Variants in NTAN1 observed in about 807,000 individuals in gnomAD.
The protein encoded by NTAN1 is protein N-terminal asparagine amidohydrolase.
Under a neutral mutation model 41.9 loss-of-function variants are expected in NTAN1, and 32 were observed. The ratio of observed to expected loss-of-function variants is 0.76; its 90% CI spans 0.58 to 1.03. The LOEUF (loss-of-function observed/expected upper bound fraction) is 1.03, where lower values mean the gene tolerates loss of function less well. NTAN1 is among the 50% of genes least tolerant of loss of function. NTAN1 has a pLI of 0.00. For missense variants in NTAN1, 377 were observed against 377.5 expected (o/e 1.00, Z 0.01); for synonymous variants, 140 against 139.5 (o/e 1.00, Z -0.03).
chr16:15,055,974 CGGAGGCGGCCGCCCAGGCAGGCCCAG>C lies in NTAN1; in HGVS notation c.-29_-4del. 8.2e-7 allele frequency: 1 copy of C among 1,220,242 alleles called. No individual in the cohort carries two copies. Among genetic ancestry groups the C allele is most frequent in the Non-Finnish European group, 1.0e-6 (1 of 980,180 alleles). The allele number at this position is 1,220,242 out of a possible 1,614,324, so 75.6% of individuals were successfully genotyped here. A position where few individuals can be genotyped will look rare whatever the true frequency, so the allele number is the denominator to read the frequency against. On this transcript the variant is annotated 5_prime_UTR_variant, in exon 1 of 10. Coordinates refer to ENST00000287706, the MANE Select transcript of NTAN1 (RefSeq NM_173474.4). ...CGCCCCTCGACGAGCAGCGGCATCGCGGAGGCGGCCGCCCAGGCAGGCCCAGGGAGGCGGCGGCCCCCCGCTTTGCA... is the reference window on the plus strand; with the variant it reads ...CGCCCCTCGACGAGCAGCGGCATCGCGGAGGCGGCGGCCCCCCGCTTTGCA...
Position 15,040,339 on chromosome 16 carries a change from C to T in NTAN1, c.542-273G>A, listed in dbSNP as rs180812754. ...CATGGGAGGCAGCCATTCCTTCAGTCGGACATGTAGCAAAACCTCTGGTCA... is the reference window on the plus strand; with the variant it reads ...CATGGGAGGCAGCCATTCCTTCAGTTGGACATGTAGCAAAACCTCTGGTCA... On this transcript the variant is annotated intron_variant, in intron 7 of 9. Coordinates refer to ENST00000287706, the MANE Select transcript of NTAN1 (RefSeq NM_173474.4). 3.1e-5 allele frequency: 12 copies of T among 381,984 alleles called. No individual in the cohort carries two copies. The East Asian group carries it at 4.4e-4, about 14-fold the overall frequency. 23.7% of individuals were successfully genotyped at this position (381,984 alleles called of 1,614,324 possible).
intron 5 of NTAN1, among the ~76,000 whole-genome samples, chr16:15,043,955 G>GA (rs962627544): frequency 2.1e-4 from 31 of 149,532 alleles, no homozygotes; most frequent in East Asian, 1.4e-3. Flanking sequence ...CTCAAAAAAA[G>GA]AAAAAAAAAG....
intron 6 of NTAN1, 85 bp from the exon 7 acceptor site, chr16:15,041,206 A>C (rs1365895205): frequency 2.2e-6 from 2 of 890,314 alleles, no homozygotes; most frequent in Non-Finnish European, 3.7e-6. Flanking sequence ...GCGAAGGAGG[A>C]GCTCCTCGAT....
Position 15,046,220 on chromosome 16 carries a change from C to T in NTAN1, c.359+1222G>A, listed in dbSNP as rs1597790426. On this transcript the variant is annotated intron_variant, in intron 4 of 9. Transcript: ENST00000287706. Reference sequence around the variant, plus strand: ...AGACCACAGAGGGAGAATTTAGAATCGACCAGTATTGACTAGCAAATCTCT... The same window carrying T: ...AGACCACAGAGGGAGAATTTAGAATTGACCAGTATTGACTAGCAAATCTCT... Among the ~76,000 whole-genome samples, 6 of 152,344 alleles carry T rather than the reference C, an allele frequency of 3.9e-5. No individual in the cohort carries two copies. The South Asian group carries it at 8.3e-4, about 21-fold the overall frequency.
At chr16:15,044,472 T>C in intron 4 of NTAN1, 65 bp from the exon 5 acceptor site, 1 of 1,046,626 alleles carries the variant, frequency 9.6e-7, no homozygotes, top group Non-Finnish European at 1.5e-6. Context: ...TGGTCTCACT[T>C]TGAACTTTCA....
rs142078442 is a variant in NTAN1 at position 15,043,715 on chromosome 16, C to T, written c.433+619G>A. ...CTGTAATCCCAGCACTTTAAGAGGC[C>T]GAGGCAGGTGCATCACCAGGTCGGG... On this transcript the variant is annotated intron_variant, in intron 5 of 9. Coordinates refer to ENST00000287706, the MANE Select transcript of NTAN1 (RefSeq NM_173474.4). Among the ~76,000 whole-genome samples the T allele has an allele frequency of 1.6e-3, 250 of 152,198 alleles. 3 individuals are homozygous for T. Among genetic ancestry groups the T allele is most frequent in the Admixed American group, 3.5e-3 (54 of 15,284 alleles).
intron 4 of NTAN1, chr16:15,045,466 C>CA (rs1157158611): frequency 0.012 from 858 of 71,302 alleles, 3 homozygotes; most frequent in African/African-American, 0.027. Context: ...GACTCTGTCT[C>CA]AAAAAAAAAA....
At chr16:15,054,535 C>T (rs1472609923) in intron 1 of NTAN1, among the ~76,000 whole-genome samples, 2 of 152,160 alleles carry the variant, frequency 1.3e-5, no homozygotes, top group Non-Finnish European at 2.9e-5. Flanking sequence ...AGTAACACAA[C>T]GCAAGGATAA....
At chr16:15,040,330 TC>T in intron 7 of NTAN1, 1 of 394,320 alleles carries the variant, frequency 2.5e-6, no homozygotes, top group Non-Finnish European at 4.5e-6. Flanking sequence ...AGGCAGCCAT[TC>T]CTTCAGTCGG....
chr16:15,043,186 C>T (rs2043899316), intron 5 of NTAN1, among the ~76,000 whole-genome samples: 2 of 152,088 alleles, frequency 1.3e-5, no homozygotes, highest in Admixed American at 6.5e-5. Flanking sequence ...AGGCATGAGC[C>T]ACCGCACCCG....
chr16:15,051,254 C>A (rs1354671554), intron 1 of NTAN1, among the ~76,000 whole-genome samples: 1 of 152,258 alleles, frequency 6.6e-6, no homozygotes, highest in Non-Finnish European at 1.5e-5. Context: ...AAAATCATGT[C>A]TCTCTTCAAC....
intron 7 of NTAN1, among the ~76,000 whole-genome samples, chr16:15,040,811 G>A (rs1164042436): frequency 6.6e-6 from 1 of 152,158 alleles, no homozygotes; most frequent in African/African-American, 2.4e-5. Context: ...GGAAGGGTGG[G>A]CATGGCCTGT....
intron 5 of NTAN1, among the ~76,000 whole-genome samples, chr16:15,043,190 G>A (rs145833871): frequency 2.8e-3 from 419 of 152,074 alleles, no homozygotes; most frequent in Non-Finnish European, 4.6e-3. Context: ...ATGAGCCACC[G>A]CACCCGGCCT....
In NTAN1 at chr16:15,039,895, C is replaced by G. The variant is rs1218520199; in HGVS notation, c.639+74G>C. The stretch of plus-strand genomic sequence containing the variant: ...CTGACAGCATAAACTTTTCTAAGAT[C>G]CCAAAAACTTAAGGCCTTGACATTT... On this transcript the variant is annotated intron_variant, in intron 8 of 9. Coordinates refer to ENST00000287706, the MANE Select transcript of NTAN1 (RefSeq NM_173474.4). 2.2e-5 allele frequency: 18 copies of G among 825,126 alleles called. 1 individual carries two copies. The highest frequency in any genetic ancestry group is 3.6e-5 in the Non-Finnish European group (18 of 497,540). 51.1% of individuals were successfully genotyped at this position (825,126 alleles called of 1,614,324 possible). A position where few individuals can be genotyped will look rare whatever the true frequency, so the allele number is the denominator to read the frequency against.
In NTAN1 at chr16:15,056,072, C is replaced by A. The variant is rs1463153075; in HGVS notation, c.-101G>T. On this transcript the variant is annotated 5_prime_UTR_variant, in exon 1 of 10. It adds an upstream start codon to the 5' untranslated region. Transcript: ENST00000287706. Reference sequence around the variant, plus strand: ...CCGCCCCTCGGGCCGCGCGTCCCGCCTCGTCCTGCCCCGCCCCACCGCGGG... The same window carrying A: ...CCGCCCCTCGGGCCGCGCGTCCCGCATCGTCCTGCCCCGCCCCACCGCGGG... The A allele has an allele frequency of 2.7e-6, 1 of 371,468 alleles. No homozygotes were observed. The highest frequency in any genetic ancestry group is 2.2e-5 in the African/African-American group (1 of 45,654). 23.0% of individuals were successfully genotyped at this position (371,468 alleles called of 1,614,324 possible). A position where few individuals can be genotyped will look rare whatever the true frequency, so the allele number is the denominator to read the frequency against.
chr16:15,048,515 C>T (rs927634640), intron 1 of NTAN1, among the ~76,000 whole-genome samples: 5 of 150,080 alleles, frequency 3.3e-5, no homozygotes, highest in Non-Finnish European at 5.9e-5. Flanking sequence ...CCACCACACC[C>T]AGCTATCACA....
At chr16:15,049,040 CA>C (rs1212332399) in intron 1 of NTAN1, among the ~76,000 whole-genome samples, 1 of 130,588 alleles carries the variant, frequency 7.7e-6, no homozygotes, top group Non-Finnish European at 1.6e-5. Flanking sequence ...AGTACAGGCA[CA>C]CACCGCCACA....
At chr16:15,054,664 TCA>T (rs769588752) in intron 1 of NTAN1, among the ~76,000 whole-genome samples, 2 of 152,178 alleles carry the variant, frequency 1.3e-5, no homozygotes, top group Admixed American at 1.3e-4. Flanking sequence ...TAAGTCCTTG[TCA>T]CCCTTCAGAA....
intron 5 of NTAN1, among the ~76,000 whole-genome samples, chr16:15,043,992 G>T (rs1597779200): frequency 1.3e-5 from 2 of 152,090 alleles, no homozygotes; most frequent in East Asian, 3.8e-4. Context: ...GGGAAAAAAT[G>T]GTATCATCAG....
Sources: gnomAD v4.1 joint callset for allele counts (sites outside exome capture counted in the v4.1 genomes callset) on GRCh38, gnomAD v4.1.1 for gene constraint, MANE v1.5 for transcripts, NCBI Gene and HGNC (gene_info 2026-07-23, HGNC 2026-07-21) for gene names.